GABRP: variants seen among roughly 807,000 people sequenced by gnomAD.
The protein encoded by GABRP is gamma-aminobutyric acid receptor subunit pi.
In GABRP, 52 loss-of-function variants were observed where a neutral mutation model predicts 47.8. The observed-to-expected ratio is 1.09, with a 90% CI of 0.87 to 1.37. The LOEUF (loss-of-function observed/expected upper bound fraction) is 1.37. Ranked by LOEUF, GABRP falls within the 40% of genes most tolerant of loss-of-function variation. GABRP has a pLI of 0.00. For synonymous variants in GABRP, 221 were observed against 205.8 expected, an observed-to-expected ratio of 1.07 and a Z score of -0.63; for missense variants, 525 against 542.8, an observed-to-expected ratio of 0.97 and a Z score of 0.33.
chr5:170,788,061 T>G (rs1048234053), intron 1 of GABRP: 10 of 152,240 alleles, frequency 6.6e-5, no homozygotes, highest in Admixed American at 5.9e-4. Flanking sequence ...ATTTAAAACA[T>G]AATCCTGGTC....
intron 4 of GABRP, 41 bp downstream of exon 4, chr5:170,794,339 T>A: frequency 1.1e-5 from 12 of 1,077,426 alleles, no homozygotes; most frequent in Non-Finnish European, 1.7e-5. Flanking sequence ...GTAGTCCCTC[T>A]CTGTGTGTTT....
At chr5:170,809,980 C>T (rs1278089948) in intron 9 of GABRP, 2 of 701,638 alleles carry the variant, frequency 2.9e-6, no homozygotes, top group African/African-American at 1.8e-5. Flanking sequence ...TTTAATTTTC[C>T]AGCAGAAAAT....
rs1765939097 is a variant in GABRP, at chr5:170,813,232, C to CT, written c.*975dup. The CT allele has an allele frequency of 1.3e-5, 2 of 152,232 alleles. No homozygotes were observed. The allele number at this position is 152,232 out of a possible 1,614,324, so 9.4% of individuals were successfully genotyped here. A position where few individuals can be genotyped will look rare whatever the true frequency, so the allele number is the denominator to read the frequency against. On this transcript the variant is annotated 3_prime_UTR_variant, in exon 10 of 10. Coordinates refer to ENST00000265294, the MANE Select transcript of GABRP (RefSeq NM_014211.3). ...CTGTCATTCTGTCATTGCTGCTACT[C>CT]TAACACTGAGCAACACTCTCCCAGT...
intron 6 of GABRP, among the ~76,000 whole-genome samples, chr5:170,802,506 G>A (rs988124574): frequency 4.7e-4 from 71 of 152,216 alleles, no homozygotes; most frequent in African/African-American, 1.6e-3. Flanking sequence ...GAAACTTCTT[G>A]AAGCAATACA....
In GABRP at chr5:170,809,955, T is replaced by C. The variant is rs181150772; in HGVS notation, c.1020+200T>C. The C allele has an allele frequency of 4.8e-5, 34 of 701,802 alleles. No individual in the cohort carries two copies. The African/African-American group carries it at 5.4e-4, about 11-fold the overall frequency. The allele number at this position is 701,802 out of a possible 1,614,324, so 43.5% of individuals were successfully genotyped here. A position where few individuals can be genotyped will look rare whatever the true frequency, so the allele number is the denominator to read the frequency against. Reference sequence around the variant, plus strand: ...AGACCATTCTTTTCACCAAATACAATGAGATATTAATATGTTTAATTTTCC... The same window carrying C: ...AGACCATTCTTTTCACCAAATACAACGAGATATTAATATGTTTAATTTTCC... On this transcript the variant is annotated intron_variant, in intron 9 of 9. Transcript: ENST00000265294.
chr5:170,810,231 A>T (rs746791315), intron 9 of GABRP, among the ~76,000 whole-genome samples: 1 of 152,158 alleles, frequency 6.6e-6, no homozygotes, highest in Non-Finnish European at 1.5e-5. Context: ...AATTGAGAAA[A>T]ACTGTCATTA....
At chr5:170,802,128 A>T (rs1166238692) in intron 6 of GABRP, among the ~76,000 whole-genome samples, 1 of 152,214 alleles carries the variant, frequency 6.6e-6, no homozygotes, top group Non-Finnish European at 1.5e-5. Context: ...TAACCTGGGG[A>T]TTTGCCTGTG....
chr5:170,795,169 T>C (rs749572058), intron 4 of GABRP, 39 bp from the exon 5 acceptor site: 1 of 1,452,512 alleles, frequency 6.9e-7, no homozygotes, highest in African/African-American at 1.4e-5. Context: ...TCTCACCCAC[T>C]ACCCCCATCC....
chr5:170,808,591 C>T lies in GABRP; in HGVS notation c.680-9C>T. The T allele has an allele frequency of 6.2e-7, 1 of 1,612,348 alleles. No homozygotes were observed. The highest frequency in any genetic ancestry group is 1.1e-5 in the South Asian group (1 of 90,828). On this transcript the variant is annotated splice_polypyrimidine_tract_variant and intron_variant, in intron 7 of 9. Coordinates refer to ENST00000265294, the MANE Select transcript of GABRP (RefSeq NM_014211.3). ...GACACAATTTCCTATCTGTTGTTTA[C>T]CCTTTCAGGAAATTACACTAGATTG...
In GABRP at chr5:170,808,744, C is replaced by T. The variant is rs764268150; in HGVS notation, c.824C>T (p.Thr275Ile). Residue 275 changes from threonine to isoleucine, a missense_variant, in exon 8 of 10, where the codon ACC becomes ATC. Physicochemically the swap from Thr to Ile is moderately conservative, Grantham distance 89 (BLOSUM62 -1). Coordinates refer to ENST00000265294, the MANE Select transcript of GABRP (RefSeq NM_014211.3). The stretch of plus-strand genomic sequence containing the variant: ...TCTCTCGATTCAGTCCCTGCAAGAA[C>T]CTGCATTGGTAAGCAGCTCCAACAG... Reference protein sequence around the residue: ...WISLDSVPARTCIGVTTVLSM... With the variant: ...WISLDSVPARICIGVTTVLSM... 9 of 1,613,858 alleles carry T rather than the reference C, an allele frequency of 5.6e-6. No individual in the cohort carries two copies. The South Asian group carries it at 9.9e-5, about 18-fold the overall frequency.
Position 170,805,846 on chromosome 5 carries a change from G to C in GABRP, c.672G>C (p.Gln224His), listed in dbSNP as rs149480838. 6.2e-7 allele frequency: 1 copy of C among 1,613,836 alleles called. No individual in the cohort carries two copies. Among genetic ancestry groups the C allele is most frequent in the Non-Finnish European group, 8.5e-7 (1 of 1,179,924 alleles). Residue 224 changes from glutamine (Q) to histidine (H), a missense_variant, in exon 7 of 10, where the codon CAG becomes CAC. Transcript: ENST00000265294. ...TCACCTTAGTCACCAGATCGCAGCA[G>C]GAGACAGGTAACTCATGTGACAAAC... ...RYFTLVTRSQ[Q>H]ETGNYTRLVL...
intron 1 of GABRP, among the ~76,000 whole-genome samples, chr5:170,787,371 G>A (rs951250122): frequency 1.3e-5 from 2 of 152,222 alleles, no homozygotes; most frequent in Non-Finnish European, 2.9e-5. Context: ...GCTGTCACCA[G>A]CATGACAGGT....
Position 170,788,630 on chromosome 5 carries a change from C to T in GABRP, c.15C>T (p.Leu5=), listed in dbSNP as rs1297795046. ...AGCTTCTCAACATGAACTACAGCCT[C>T]CACTTGGCCTTCGTGTGTCTGAGTC... The part of the protein sequence containing the change: MNYS[L]HLAFVCLSLF... The change falls in exon 2 of 10, where the codon CTC becomes CTT. Residue 5 remains leucine (L), a synonymous_variant. Coordinates refer to ENST00000265294, the MANE Select transcript of GABRP (RefSeq NM_014211.3). The T allele has an allele frequency of 1.9e-6, 3 of 1,614,152 alleles. No homozygotes were observed. The South Asian group carries it at 3.3e-5, about 18-fold the overall frequency.
rs916044528 is a variant in GABRP, at chr5:170,812,548, G to A, written c.*290G>A. 27 of 312,772 alleles carry A rather than the reference G, an allele frequency of 8.6e-5. No homozygotes were observed. Among genetic ancestry groups the A allele is most frequent in the Non-Finnish European group, 1.5e-4 (26 of 169,222 alleles). 19.4% of individuals were successfully genotyped at this position (312,772 alleles called of 1,614,324 possible). A position where few individuals can be genotyped will look rare whatever the true frequency, so the allele number is the denominator to read the frequency against. On this transcript the variant is annotated 3_prime_UTR_variant, in exon 10 of 10. Coordinates refer to ENST00000265294, the MANE Select transcript of GABRP (RefSeq NM_014211.3). ...CAAATGTACTCAGGGCTGTTTATTCGGTGGCTCCCTGGTTTGCATTTACCT... is the reference window on the plus strand; with the variant it reads ...CAAATGTACTCAGGGCTGTTTATTCAGTGGCTCCCTGGTTTGCATTTACCT...
intron 1 of GABRP, among the ~76,000 whole-genome samples, chr5:170,785,901 C>T (rs1431030379): frequency 6.6e-6 from 1 of 152,210 alleles, no homozygotes; most frequent in Admixed American, 6.5e-5. Flanking sequence ...TTTGGAGGGC[C>T]CCCACTCTCC....
rs146241747 is a variant in GABRP at position 170,802,491 on chromosome 5, A to T, written c.542-3225A>T. On this transcript the variant is annotated intron_variant, in intron 6 of 9. Transcript: ENST00000265294. ...ATTAATTATCTTATTGATTAAATGCATGCAGAAACTTCTTGAAGCAATACA... is the reference window on the plus strand; with the variant it reads ...ATTAATTATCTTATTGATTAAATGCTTGCAGAAACTTCTTGAAGCAATACA... Among the ~76,000 whole-genome samples, 639 of 152,370 alleles carry T rather than the reference A, an allele frequency of 4.2e-3. 6 individuals carry two copies. Among genetic ancestry groups the T allele is most frequent in the African/African-American group, 0.015 (610 of 41,590 alleles).
intron 6 of GABRP, among the ~76,000 whole-genome samples, chr5:170,798,321 G>A (rs542091143): frequency 2.7e-4 from 41 of 152,178 alleles, no homozygotes; most frequent in Non-Finnish European, 4.7e-4. Context: ...GATTACAGGC[G>A]TGAGCCACCG....
chr5:170,805,579 T>C, intron 6 of GABRP, 137 bp from the exon 7 acceptor site: 1 of 968,354 alleles, frequency 1.0e-6, no homozygotes, highest in Non-Finnish European at 1.5e-6. Context: ...TCTTGCTAAG[T>C]TCTGCATGGG....
At chr5:170,792,151 CTG>C (rs1381532652) in intron 3 of GABRP, among the ~76,000 whole-genome samples, 6 of 152,136 alleles carry the variant, frequency 3.9e-5, no homozygotes, top group Admixed American at 3.9e-4. Flanking sequence ...AGGTGTGAAA[CTG>C]TAGCATAGGC....
Sources: allele counts gnomAD v4.1 joint callset (sites outside exome capture counted in the v4.1 genomes callset), GRCh38; gene constraint gnomAD v4.1.1; transcripts MANE v1.5; gene names NCBI Gene and HGNC (gene_info 2026-07-23, HGNC 2026-07-21).